The following GIT1 variants were observed in gnomAD, a reference collection of about 807,000 sequenced individuals.
GIT1 encodes the protein ARF GTPase-activating protein GIT1.
In GIT1, 14 loss-of-function variants were observed where a neutral mutation model predicts 91.7. The ratio of observed to expected loss-of-function variants is 0.15; its 90% CI spans 0.10 to 0.24. The LOEUF (loss-of-function observed/expected upper bound fraction) is 0.24, where lower values mean the gene tolerates loss of function less well. Among genes scored for constraint, GIT1 ranks in the 10% least tolerant of loss-of-function variants. The probability of loss-of-function intolerance (pLI) is 1.00; values close to 1 mark genes in which losing one functional copy is unlikely to be tolerated. For missense variants in GIT1, 717 were observed against 1,024.9 expected, an observed-to-expected ratio of 0.70 and a Z score of 4.10; for synonymous variants, 414 against 418.2, an observed-to-expected ratio of 0.99 and a Z score of 0.12.
At position 29,589,241 on chromosome 17, in the gene GIT1, C is replaced by T. The variant is rs1295916001; in HGVS notation, c.52+86G>A. On this transcript the variant is annotated intron_variant, in intron 1 of 19. Coordinates refer to ENST00000225394, the MANE Select transcript of GIT1 (RefSeq NM_014030.4). The surrounding 1 kb of genome is among the most constrained non-coding windows in gnomAD (Gnocchi z 5.2). ...CCCCCCGCCCCGCCCAGCCCTCCGG[C>T]CCCGCACAGCGCTCTTGCCAGGCCC... is the stretch of plus-strand genomic sequence containing the variant. The T allele has an allele frequency of 2.6e-6, 1 of 380,322 alleles. No individual in the cohort carries two copies. Among genetic ancestry groups the T allele is most frequent in the Non-Finnish European group, 3.6e-6 (1 of 275,056 alleles). 23.6% of individuals were successfully genotyped at this position (380,322 alleles called of 1,614,324 possible). A position where few individuals can be genotyped will look rare whatever the true frequency, so the allele number is the denominator to read the frequency against.
chr17:29,578,906 A>G, intron 7 of GIT1, 127 bp from the exon 8 acceptor site: 2 of 1,591,292 alleles, frequency 1.3e-6, no homozygotes, highest in Non-Finnish European at 1.7e-6. Context: ...TGCACACCAA[A>G]TGCCTCCCCG....
chr17:29,576,615 C>T lies in GIT1; in HGVS notation c.1287G>A (p.Leu429=). Residue 429 remains leucine, a synonymous_variant, in exon 13 of 20, where the codon CTG becomes CTA. Transcript: ENST00000225394. ...GAVTLQEYLE[L]KKALATSEAK... is the part of the protein sequence containing the mutation. ...CCTCCGATGTAGCCAGGGCCTTCTTCAGCTCCAGGTACTCCTGCAGCGTCA... is the reference window on the plus strand; with the variant it reads ...CCTCCGATGTAGCCAGGGCCTTCTTTAGCTCCAGGTACTCCTGCAGCGTCA... 2 of 1,614,052 alleles carry T rather than the reference C, an allele frequency of 1.2e-6. No individual in the cohort carries two copies. The highest frequency in any genetic ancestry group is 1.7e-6 in the Non-Finnish European group (2 of 1,179,994).
In GIT1 at chr17:29,582,130, G is replaced by A. The variant is rs769179349; in HGVS notation, c.420C>T (p.Ser140=). Residue 140 remains serine, a synonymous_variant, in exon 5 of 20, where the codon AGC becomes AGT. Coordinates refer to ENST00000225394, the MANE Select transcript of GIT1 (RefSeq NM_014030.4). ...AKDLSKQLHS[S]VRTGNLETCL... is the part of the protein sequence containing the mutation. ...ATGTCTCCAGGTTGCCTGTCCGCAC[G>A]CTCGAGTGTAGTTGCTAAGAGGAGC... 4.4e-5 allele frequency: 70 copies of A among 1,578,396 alleles called. No individual in the cohort carries two copies. Among genetic ancestry groups the A allele is most frequent in the African/African-American group, 5.4e-5 (4 of 74,256 alleles).
At chr17:29,585,636 C>T (rs1435433438) in intron 1 of GIT1, among the ~76,000 whole-genome samples, 1 of 152,196 alleles carries the variant, frequency 6.6e-6, no homozygotes, top group Non-Finnish European at 1.5e-5. Context: ...CTGGTCTGGG[C>T]AGCCGCTATT....
chr17:29,578,374 G>A lies in GIT1; in HGVS notation c.811-3C>T, dbSNP rs899777312. On this transcript the variant is annotated splice_region_variant and splice_polypyrimidine_tract_variant and intron_variant, in intron 8 of 19. Coordinates refer to ENST00000225394, the MANE Select transcript of GIT1 (RefSeq NM_014030.4). The stretch of plus-strand genomic sequence containing the variant: ...TCCTCAAAAAGCCGGTTGCTGAGCT[G>A]GAGGAAGAGAGGGGCCCAGATGTTG... The A allele has an allele frequency of 6.2e-7, 1 of 1,613,962 alleles. No homozygotes were observed. Among genetic ancestry groups the A allele is most frequent in the Non-Finnish European group, 8.5e-7 (1 of 1,179,830 alleles).
intron 12 of GIT1, 46 bp from the exon 13 acceptor site, chr17:29,576,720 C>T (rs757229765): frequency 2.5e-6 from 4 of 1,608,760 alleles, no homozygotes; most frequent in Admixed American, 3.3e-5. Flanking sequence ...GGCAGGGAGG[C>T]CAACACCCGC....
chr17:29,583,105 G>A (rs2033459807), intron 2 of GIT1, 68 bp from the exon 3 acceptor site: 1 of 1,072,824 alleles, frequency 9.3e-7, no homozygotes, highest in Admixed American at 1.7e-5. Flanking sequence ...AACACTTCCT[G>A]AGCGCCTGCT....
At position 29,589,056 on chromosome 17, in the gene GIT1, C is replaced by T. The variant is rs569007483; in HGVS notation, c.52+271G>A. On this transcript the variant is annotated intron_variant, in intron 1 of 19. Coordinates refer to ENST00000225394, the MANE Select transcript of GIT1 (RefSeq NM_014030.4). The surrounding 1 kb of genome is among the most constrained non-coding windows in gnomAD (Gnocchi z 5.2). ...GAGATGGAGGTGGAGGAGCAGCCAGCTGCCCGCCTCCCTCAGACCGAGGAG... is the reference window on the plus strand; with the variant it reads ...GAGATGGAGGTGGAGGAGCAGCCAGTTGCCCGCCTCCCTCAGACCGAGGAG... 2.0e-5 allele frequency among the ~76,000 whole-genome samples: 3 copies of T among 152,330 alleles called. No homozygotes were observed. The East Asian group carries it at 5.8e-4, about 29-fold the overall frequency.
At position 29,581,508 on chromosome 17, in the gene GIT1, AC is replaced by A; in HGVS notation, c.719-129del. Reference sequence around the variant, plus strand: ...CAGGGGAAAGTGGGGAGGGCAGGCCACCCCCAAGAATGCTGGGAGCTCGTGG... The same window carrying A: ...CAGGGGAAAGTGGGGAGGGCAGGCCACCCCAAGAATGCTGGGAGCTCGTGG... On this transcript the variant is annotated intron_variant, in intron 6 of 19. Transcript: ENST00000225394. The surrounding 1 kb of genome is among the most constrained non-coding windows in gnomAD (Gnocchi z 4.8). The A allele has an allele frequency of 2.1e-5, 17 of 797,510 alleles. No individual in the cohort carries two copies. In the South Asian group the frequency reaches 2.3e-4, roughly 11 times the overall value. 49.4% of individuals were successfully genotyped at this position (797,510 alleles called of 1,614,324 possible).
chr17:29,579,136 C>G (rs979458825), intron 7 of GIT1: 5 of 688,606 alleles, frequency 7.3e-6, no homozygotes, highest in Non-Finnish European at 1.3e-5. Flanking sequence ...TTCATCTCAC[C>G]GCGTCCCCCA....
intron 7 of GIT1, among the ~76,000 whole-genome samples, chr17:29,580,377 G>A (rs543051303): frequency 7.9e-4 from 120 of 152,332 alleles, no homozygotes; most frequent in African/African-American, 2.9e-3. Flanking sequence ...GCCCAGGCCT[G>A]GTTATGCCCA....
rs995863241 is a variant in GIT1 at position 29,574,263 on chromosome 17, T to C, written c.*439A>G. On this transcript the variant is annotated 3_prime_UTR_variant, in exon 20 of 20. Transcript: ENST00000225394. Reference sequence around the variant, plus strand: ...GGCTGGTGGCTACAGGGCAGGGACATCCATGGAGACTATGTACAAAGGAGG... The same window carrying C: ...GGCTGGTGGCTACAGGGCAGGGACACCCATGGAGACTATGTACAAAGGAGG... The C allele has an allele frequency of 1.0e-5, 2 of 194,044 alleles. No homozygotes were observed. Among genetic ancestry groups the C allele is most frequent in the African/African-American group, 4.7e-5 (2 of 42,504 alleles). 12.0% of individuals were successfully genotyped at this position (194,044 alleles called of 1,614,324 possible). A position where few individuals can be genotyped will look rare whatever the true frequency, so the allele number is the denominator to read the frequency against.
At chr17:29,574,992 C>T (rs1393811417) in intron 19 of GIT1, 78 bp from the exon 20 acceptor site, 1 of 1,482,424 alleles carries the variant, frequency 6.7e-7, no homozygotes, top group African/African-American at 1.4e-5. Context: ...GTCTGTGTCT[C>T]CACCCAGGTA....
At chr17:29,583,074 T>C in intron 2 of GIT1, 37 bp from the exon 3 acceptor site, 1 of 1,354,978 alleles carries the variant, frequency 7.4e-7, no homozygotes, top group Admixed American at 1.7e-5. Context: ...GAGTGCCCAC[T>C]GCGTGCTAAG....
Position 29,589,163 on chromosome 17 carries a change from C to T in GIT1, c.52+164G>A, listed in dbSNP as rs1240214962. ...GGGCACCCCAGGCCGGCCCTCCCGC[C>T]AAGGGCGCAGCTCCGCAGTGGCCGA... On this transcript the variant is annotated intron_variant, in intron 1 of 19. Transcript: ENST00000225394. This position sits in a 1 kb window ranked among gnomAD's most constrained non-coding sequence, Gnocchi z 5.2. Among the ~76,000 whole-genome samples the T allele has an allele frequency of 6.6e-6, 1 of 151,932 alleles. No individual in the cohort carries two copies. The highest frequency in any genetic ancestry group is 2.4e-5 in the African/African-American group (1 of 41,444).
Position 29,574,819 on chromosome 17 carries a change from C to A in GIT1, c.2169G>T (p.Glu723Asp). 1 of 1,610,874 alleles carries A rather than the reference C, an allele frequency of 6.2e-7. No homozygotes were observed. Among genetic ancestry groups the A allele is most frequent in the Non-Finnish European group, 8.5e-7 (1 of 1,179,646 alleles). Residue 723 changes from glutamate to aspartate, a missense_variant, in exon 20 of 20, where the codon GAG becomes GAT. Transcript: ENST00000225394. ...QSECRKTVPP[E>D]PGAPVDFQLL... is the part of the protein sequence containing the mutation. ...GCTGGAAGTCCACTGGGGCGCCGGG[C>A]TCTGGGGGCACTGTCTTCCGGCACT...
rs199661311 is a variant in GIT1 at position 29,578,968 on chromosome 17, G to A, written c.762-189C>T. On this transcript the variant is annotated intron_variant, in intron 7 of 19. Transcript: ENST00000225394. ...CCCGGCAGGCACCATATACCTCTGA[G>A]ACATGCACTTTTGCCGAGATCTAAG... 33 of 1,613,782 alleles carry A rather than the reference G, an allele frequency of 2.0e-5. 2 individuals carry two copies. Among genetic ancestry groups the A allele is most frequent in the South Asian group, 1.1e-4 (10 of 91,084 alleles).
chr17:29,583,272 A>G (rs897580202), intron 2 of GIT1, among the ~76,000 whole-genome samples: 4 of 152,184 alleles, frequency 2.6e-5, no homozygotes, highest in African/African-American at 7.2e-5. Context: ...GACCACGTTG[A>G]TAAGTGGCAG....
intron 7 of GIT1, chr17:29,579,000 G>C (rs751605544): frequency 6.2e-7 from 1 of 1,613,812 alleles, no homozygotes; most frequent in Non-Finnish European, 8.5e-7. Flanking sequence ...TAAGTCCAGA[G>C]GAAGGCAGCA....
Sources: gnomAD v4.1 joint callset for allele counts (sites outside exome capture counted in the v4.1 genomes callset) on GRCh38, gnomAD v4.1.1 for gene constraint, Gnocchi (gnomAD v3.1) non-coding constraint, MANE v1.5 for transcripts, NCBI Gene and HGNC (gene_info 2026-07-23, HGNC 2026-07-21) for gene names.